NHSL1: variants seen among roughly 807,000 people sequenced by gnomAD.
NHSL1 encodes NHS-like protein 1.
A neutral mutation model predicts 95.0 loss-of-function variants in NHSL1; 48 were observed. The ratio of observed to expected loss-of-function variants is 0.51; its 90% CI spans 0.40 to 0.64. The LOEUF (loss-of-function observed/expected upper bound fraction) is 0.64, where lower values mean the gene tolerates loss of function less well. Among genes scored for constraint, NHSL1 ranks in the 30% least tolerant of loss-of-function variants. The pLI is 0.00. For missense variants in NHSL1, 1,971 were observed against 2,077.7 expected (o/e 0.95, Z 1.00); for synonymous variants, 783 against 833.9 (o/e 0.94, Z 1.05).
chr6:138,489,199 C>T (rs1413227357), intron 2 of NHSL1, among the ~76,000 whole-genome samples: 1 of 152,176 alleles, frequency 6.6e-6, no homozygotes, highest in Admixed American at 6.5e-5. Context: ...TTCCATTGCA[C>T]TTCAATTAAA....
chr6:138,488,765 G>A (rs1260292311), intron 2 of NHSL1, among the ~76,000 whole-genome samples: 1 of 152,186 alleles, frequency 6.6e-6, no homozygotes, highest in African/African-American at 2.4e-5. Context: ...CTTTGTCCCT[G>A]TGAACTTCCA....
intron 1 of NHSL1, among the ~76,000 whole-genome samples, chr6:138,610,443 G>A (rs796941320): frequency 2.6e-5 from 4 of 151,814 alleles, no homozygotes; most frequent in African/African-American, 9.7e-5. Context: ...TAATGTAAAT[G>A]ACGAGTTAAT....
chr6:138,431,419 G>A lies in NHSL1; in HGVS notation c.2926C>T (p.Pro976Ser). ...GAGCAGAAAGGAATGAGAGCTTCTG[G>A]CGGCGGAGGGGGGAACACAGGAGAG... ...PHSPVFPPPP[P>S]EALIPFCSPP... The change falls in exon 6 of 8, where the codon CCA (proline) becomes TCA (serine). Residue 976 changes from proline (P) to serine (S), a missense_variant. Transcript: ENST00000343505. The surrounding 1 kb of genome is among the most constrained non-coding windows in gnomAD (Gnocchi z 4.0). 2 of 1,550,704 alleles carry A rather than the reference G, an allele frequency of 1.3e-6. No individual in the cohort carries two copies. The highest frequency in any genetic ancestry group is 1.7e-6 in the Non-Finnish European group (2 of 1,146,768).
intron 1 of NHSL1, among the ~76,000 whole-genome samples, chr6:138,545,034 A>G (rs1295773459): frequency 1.7e-5 from 2 of 116,750 alleles, no homozygotes; most frequent in East Asian, 2.9e-4. Context: ...CTTGTTGCCC[A>G]GGCTGGAGTG....
chr6:138,563,642 C>T (rs1223275377), intron 1 of NHSL1, among the ~76,000 whole-genome samples: 1 of 152,166 alleles, frequency 6.6e-6, no homozygotes, highest in East Asian at 1.9e-4. Flanking sequence ...TAAATTGTAC[C>T]TGCTACTGGT....
chr6:138,561,811 G>A (rs1783422112), intron 1 of NHSL1, among the ~76,000 whole-genome samples: 1 of 152,154 alleles, frequency 6.6e-6, no homozygotes, highest in Admixed American at 6.5e-5. Flanking sequence ...AACCACTGGG[G>A]GAAGATGGTC....
chr6:138,590,535 A>G (rs1341521930), intron 1 of NHSL1, among the ~76,000 whole-genome samples: 1 of 151,984 alleles, frequency 6.6e-6, no homozygotes, highest in Non-Finnish European at 1.5e-5. Context: ...TCCAGCCCTG[A>G]TCTTGTCAAA....
intron 1 of NHSL1, among the ~76,000 whole-genome samples, chr6:138,659,342 G>C (rs1478458004): frequency 2.0e-5 from 3 of 152,078 alleles, no homozygotes; most frequent in African/African-American, 7.2e-5. Context: ...GAGCCATGGT[G>C]CCCAGCCTAG....
chr6:138,546,464 C>T (rs553684319), upstream of NHSL1, among the ~76,000 whole-genome samples: 281 of 126,056 alleles, frequency 2.2e-3, 1 homozygote, highest in African/African-American at 8.5e-3. Context: ...AAAAAACTAG[C>T]TGGGCATGGT....
chr6:138,654,133 C>G (rs1449389898), intron 1 of NHSL1, among the ~76,000 whole-genome samples: 1 of 152,140 alleles, frequency 6.6e-6, no homozygotes, highest in Non-Finnish European at 1.5e-5. Context: ...GCAGAGAATC[C>G]AGAGCAGACG....
chr6:138,639,400 C>T (rs943280704), intron 1 of NHSL1, among the ~76,000 whole-genome samples: 1 of 151,550 alleles, frequency 6.6e-6, no homozygotes, highest in Non-Finnish European at 1.5e-5. Flanking sequence ...GCACTTTGGG[C>T]GGCCGAGGTA....
chr6:138,511,651 A>G (rs1391784693), intron 1 of NHSL1, among the ~76,000 whole-genome samples: 1 of 152,166 alleles, frequency 6.6e-6, no homozygotes, highest in Admixed American at 6.5e-5. Flanking sequence ...AAGAAAAATA[A>G]TAGGCCAGGC....
intron 1 of NHSL1, among the ~76,000 whole-genome samples, chr6:138,570,879 T>C (rs1193898797): frequency 6.6e-6 from 1 of 152,234 alleles, no homozygotes; most frequent in African/African-American, 2.4e-5. Context: ...AGCACTCCCC[T>C]ACTGGGCTTT....
chr6:138,475,835 C>G (rs1450333617), intron 2 of NHSL1, among the ~76,000 whole-genome samples: 1 of 152,004 alleles, frequency 6.6e-6, no homozygotes, highest in South Asian at 2.1e-4. Flanking sequence ...TGGTGTCACA[C>G]GCCTGTAATC....
intron 1 of NHSL1, among the ~76,000 whole-genome samples, chr6:138,528,626 T>C (rs1336496057): frequency 6.6e-6 from 1 of 152,244 alleles, no homozygotes; most frequent in Non-Finnish European, 1.5e-5. Context: ...AATTTCTAAC[T>C]GCTATTAATT....
chr6:138,504,958 TTAAA>T (rs1322747609), intron 1 of NHSL1, among the ~76,000 whole-genome samples: 3 of 152,230 alleles, frequency 2.0e-5, no homozygotes, highest in Non-Finnish European at 4.4e-5. Flanking sequence ...CCTTGGCCAC[TTAAA>T]TAAATGACTC....
At chr6:138,474,901 T>C (rs926464433) in intron 2 of NHSL1, among the ~76,000 whole-genome samples, 5 of 152,160 alleles carry the variant, frequency 3.3e-5, no homozygotes, top group Non-Finnish European at 7.3e-5. Flanking sequence ...TTAATCCCAG[T>C]ACTTTGGGAG....
intron 1 of NHSL1, among the ~76,000 whole-genome samples, chr6:138,674,146 A>AT (rs569842588): frequency 2.0e-4 from 30 of 151,160 alleles, no homozygotes; most frequent in East Asian, 1.2e-3. Flanking sequence ...AAAGCAACAA[A>AT]TTTTTTTTTT....
chr6:138,555,277 T>A (rs1447735188), intron 1 of NHSL1, among the ~76,000 whole-genome samples: 1 of 152,218 alleles, frequency 6.6e-6, no homozygotes, highest in Admixed American at 6.5e-5. Context: ...TACCATTTTG[T>A]TCATGGTAAT....
Sources: gnomAD v4.1 joint callset for allele counts (sites outside exome capture counted in the v4.1 genomes callset) on GRCh38, gnomAD v4.1.1 for gene constraint, Gnocchi (gnomAD v3.1) non-coding constraint, MANE v1.5 for transcripts, NCBI Gene and HGNC (gene_info 2026-07-23, HGNC 2026-07-21) for gene names.